IL1RAPL1: variants seen among roughly 807,000 people sequenced by gnomAD.
IL1RAPL1 encodes the protein interleukin 1 receptor accessory protein like 1.
A neutral mutation model predicts 48.4 loss-of-function variants in IL1RAPL1; 3 were observed. That is an observed-to-expected ratio of 0.06 (90% CI 0.03 to 0.16). IL1RAPL1 has a LOEUF of 0.16. Ranked by LOEUF, IL1RAPL1 falls within the 10% of genes least tolerant of loss-of-function variation. The pLI, the probability that IL1RAPL1 is intolerant of heterozygous loss-of-function variation, is 1.00. For synonymous variants in IL1RAPL1, 185 were observed against 187.7 expected, an observed-to-expected ratio of 0.99 and a Z score of 0.12; for missense variants, 349 against 530.6, an observed-to-expected ratio of 0.66 and a Z score of 3.36.
intron 1 of IL1RAPL1, among the ~76,000 whole-genome samples, chrX:28,714,409 A>T (rs1935479115): frequency 8.9e-6 from 1 of 112,163 alleles, no homozygotes; most frequent in African/African-American, 3.2e-5. Flanking sequence ...AAGTATAGAC[A>T]TATACAATTT....
chrX:29,752,571 A>G (rs1191892355), intron 6 of IL1RAPL1, among the ~76,000 whole-genome samples: 1 of 110,539 alleles, frequency 9.0e-6, no homozygotes, highest in Non-Finnish European at 1.9e-5. Flanking sequence ...ACTTCCTTAA[A>G]TAGGTAAGAT....
intron 1 of IL1RAPL1, among the ~76,000 whole-genome samples, chrX:28,748,357 T>C (rs1474834015): frequency 8.9e-6 from 1 of 111,817 alleles, no homozygotes; most frequent in Non-Finnish European, 1.9e-5. Flanking sequence ...TTCTCTTTCT[T>C]GCATTTGGGT....
chrX:29,708,641 C>G (rs1372333997), intron 6 of IL1RAPL1, among the ~76,000 whole-genome samples: 1 of 111,927 alleles, frequency 8.9e-6, no homozygotes, highest in Non-Finnish European at 1.9e-5. Flanking sequence ...TAGTTTGGTT[C>G]CATATGTTGG....
intron 5 of IL1RAPL1, among the ~76,000 whole-genome samples, chrX:29,429,761 T>A (rs1934393234): frequency 9.0e-6 from 1 of 111,109 alleles, no homozygotes; most frequent in Non-Finnish European, 1.9e-5. Context: ...AGACTCCTCT[T>A]CAGTGTTGCA....
In IL1RAPL1 at chrX:29,562,106, T is replaced by TA. The variant is rs776186757; in HGVS notation, c.704-106323dup. Reference sequence around the variant, plus strand: ...TAATCTATCTGTCTATCTATCTATCTATCTATCTAATCTATCTATCTATCT... The same window carrying TA: ...TAATCTATCTGTCTATCTATCTATCTAATCTATCTAATCTATCTATCTATCT... On this transcript the variant is annotated intron_variant, in intron 5 of 10. Transcript: ENST00000378993. Among the ~76,000 whole-genome samples, 394 of 80,939 alleles carry TA rather than the reference T, an allele frequency of 4.9e-3. 5 individuals are homozygous for TA. The highest frequency in any genetic ancestry group is 6.1e-3 in the Non-Finnish European group (268 of 44,216). 70.3% of individuals were successfully genotyped at this position (80,939 alleles called of 115,157 possible).
At chrX:29,307,710 A>G (rs1483618626) in intron 3 of IL1RAPL1, among the ~76,000 whole-genome samples, 2 of 112,217 alleles carry the variant, frequency 1.8e-5, no homozygotes, top group Non-Finnish European at 3.8e-5. Context: ...CTAAGCACTT[A>G]TCTTATTGCA....
At chrX:29,280,546 C>T (rs1347357579) in intron 2 of IL1RAPL1, among the ~76,000 whole-genome samples, 1 of 112,146 alleles carries the variant, frequency 8.9e-6, no homozygotes, top group African/African-American at 3.2e-5. Flanking sequence ...GGAGTTTCTT[C>T]AACTGTATAA....
At chrX:29,393,344 A>G (rs1445454049) in intron 3 of IL1RAPL1, among the ~76,000 whole-genome samples, 2 of 111,634 alleles carry the variant, frequency 1.8e-5, no homozygotes, top group Admixed American at 1.9e-4. Flanking sequence ...GATGGTCTCG[A>G]TCTCCTGACC....
intron 2 of IL1RAPL1, among the ~76,000 whole-genome samples, chrX:28,983,197 G>A (rs1460904066): frequency 9.0e-6 from 1 of 111,499 alleles, no homozygotes; most frequent in African/African-American, 3.3e-5. Flanking sequence ...TACTTGGAGA[G>A]CCAAGGTGGC....
intron 5 of IL1RAPL1, among the ~76,000 whole-genome samples, chrX:29,541,562 A>G (rs2147783367): frequency 8.9e-6 from 1 of 112,033 alleles, no homozygotes; most frequent in South Asian, 3.7e-4. Context: ...TGGATAAAGA[A>G]AGTATAATAT....
At chrX:29,754,834 A>G (rs1928572378) in intron 6 of IL1RAPL1, among the ~76,000 whole-genome samples, 1 of 109,752 alleles carries the variant, frequency 9.1e-6, no homozygotes, top group African/African-American at 3.3e-5. Context: ...AAATTAGCAC[A>G]CATTTAATGG....
chrX:28,877,932 A>G (rs781339869), intron 2 of IL1RAPL1, among the ~76,000 whole-genome samples: 1 of 112,498 alleles, frequency 8.9e-6, no homozygotes, highest in African/African-American at 3.2e-5. Flanking sequence ...ATGCTTATTC[A>G]TCTCTCTGTT....
intron 1 of IL1RAPL1, among the ~76,000 whole-genome samples, chrX:28,783,936 T>C (rs1601902010): frequency 8.9e-6 from 1 of 111,815 alleles, no homozygotes; most frequent in East Asian, 2.8e-4. Flanking sequence ...TTCCATGTAA[T>C]CCTTGCCACA....
chrX:28,760,344 A>G (rs1437915906), intron 1 of IL1RAPL1, among the ~76,000 whole-genome samples: 4 of 111,998 alleles, frequency 3.6e-5, no homozygotes, highest in Admixed American at 2.9e-4. Flanking sequence ...TAATACAACA[A>G]TGCTTAAATA....
chrX:29,511,873 C>A lies in IL1RAPL1; in HGVS notation c.703+112565C>A, dbSNP rs371015431. 2.2e-4 allele frequency among the ~76,000 whole-genome samples: 25 copies of A among 111,247 alleles called. No individual in the cohort carries two copies. The East Asian group carries it at 7.0e-3, about 31-fold the overall frequency. ...TCTGTCTTTCTCTCTCCCTCTTTCT[C>A]TTAAAATTGAGCCATTAACATATTT... On this transcript the variant is annotated intron_variant, in intron 5 of 10. Coordinates refer to ENST00000378993, the MANE Select transcript of IL1RAPL1 (RefSeq NM_014271.4).
intron 2 of IL1RAPL1, among the ~76,000 whole-genome samples, chrX:28,807,681 C>T (rs1303032459): frequency 9.0e-6 from 1 of 111,076 alleles, no homozygotes; most frequent in East Asian, 2.8e-4. Flanking sequence ...AACTAGAAAC[C>T]AGGTTCAATA....
intron 6 of IL1RAPL1, among the ~76,000 whole-genome samples, chrX:29,838,852 A>G (rs1203828863): frequency 8.9e-6 from 1 of 112,072 alleles, no homozygotes; most frequent in Non-Finnish European, 1.9e-5. Context: ...GGCCAGGCTC[A>G]TTTGGTCTCA....
intron 3 of IL1RAPL1, among the ~76,000 whole-genome samples, chrX:29,381,511 A>G (rs1174946945): frequency 2.2e-5 from 2 of 91,381 alleles, no homozygotes; most frequent in East Asian, 6.6e-4. Flanking sequence ...AAAAAAAAAA[A>G]AAAAAAAAAA....
chrX:29,747,115 C>T (rs764825903), intron 6 of IL1RAPL1, among the ~76,000 whole-genome samples: 1 of 111,906 alleles, frequency 8.9e-6, no homozygotes, highest in East Asian at 2.8e-4. Flanking sequence ...CAGGATAGAA[C>T]CCACTGGATA....
Sources: allele counts gnomAD v4.1 joint callset (sites outside exome capture counted in the v4.1 genomes callset), GRCh38; gene constraint gnomAD v4.1.1; transcripts MANE v1.5; gene names NCBI Gene and HGNC (gene_info 2026-07-23, HGNC 2026-07-21).